RBM19: variants seen among roughly 807,000 people sequenced by gnomAD.
RBM19 encodes the protein probable RNA-binding protein 19.
Under a neutral mutation model 116.8 loss-of-function variants are expected in RBM19, and 94 were observed. The observed-to-expected ratio is 0.80, with a 90% CI of 0.68 to 0.95. The LOEUF (loss-of-function observed/expected upper bound fraction) is 0.95, where lower values mean the gene tolerates loss of function less well. RBM19 is among the 40% of genes least tolerant of loss of function. The probability of loss-of-function intolerance (pLI) is 0.00; values close to 1 mark genes in which losing one functional copy is unlikely to be tolerated. For synonymous variants in RBM19, 475 were observed against 494.1 expected, an observed-to-expected ratio of 0.96 and a Z score of 0.51; for missense variants, 1,161 against 1,220.7, an observed-to-expected ratio of 0.95 and a Z score of 0.73.
rs147632728 is a variant in RBM19, at chr12:113,966,052, C to T, written c.36+140G>A. 5.2e-3 allele frequency: 4,742 copies of T among 919,752 alleles called. 21 individuals carry two copies. The highest frequency in any genetic ancestry group is 0.014 in the Middle Eastern group (63 of 4,644). The allele number at this position is 919,752 out of a possible 1,614,324, so 57.0% of individuals were successfully genotyped here. Reference sequence around the variant, plus strand: ...ATCAAATGGGGATAAGCCCAGGATCCCGCCCCCTTTGAGTTCAGAATTGGC... The same window carrying T: ...ATCAAATGGGGATAAGCCCAGGATCTCGCCCCCTTTGAGTTCAGAATTGGC... On this transcript the variant is annotated intron_variant, in intron 1 of 23. Transcript: ENST00000261741.
intron 21 of RBM19, among the ~76,000 whole-genome samples, chr12:113,859,284 GT>G (rs920366456): frequency 1.3e-5 from 2 of 152,246 alleles, no homozygotes; most frequent in African/African-American, 4.8e-5. Flanking sequence ...CTGCCCATGT[GT>G]GCTAGTAGGG....
rs780878098 is a variant in RBM19, at chr12:113,958,041, C to A, written c.581G>T (p.Ser194Ile). The A allele has an allele frequency of 6.2e-7, 1 of 1,608,168 alleles. No homozygotes were observed. The highest frequency in any genetic ancestry group is 2.2e-5 in the East Asian group (1 of 44,834). Reference protein sequence around the residue: ...GAGEDLEEEASLEPKAAVQKE... With the variant: ...GAGEDLEEEAILEPKAAVQKE... The stretch of plus-strand genomic sequence containing the variant: ...CTGCACAGCTGCCTTTGGTTCGAGG[C>A]TTGCCTCTTCTGGAAAAACAGGGAA... The change falls in exon 6 of 24, where the codon AGC (serine) becomes ATC (isoleucine). Residue 194 changes from serine (S) to isoleucine (I), a missense_variant. Coordinates refer to ENST00000261741, the MANE Select transcript of RBM19 (RefSeq NM_016196.4).
chr12:113,964,371 T>C (rs1872715070), intron 1 of RBM19, among the ~76,000 whole-genome samples: 1 of 152,236 alleles, frequency 6.6e-6, no homozygotes, highest in Non-Finnish European at 1.5e-5. Flanking sequence ...GAACAGTGCC[T>C]GGCACACAGT....
chr12:113,900,577 G>C (rs918693863), intron 21 of RBM19, among the ~76,000 whole-genome samples: 25 of 152,184 alleles, frequency 1.6e-4, no homozygotes, highest in African/African-American at 5.5e-4. Context: ...CGGAGGTCAA[G>C]CAGCAGGGCC....
chr12:113,856,410 C>T lies in RBM19; in HGVS notation c.2664+2381G>A, dbSNP rs530934818. ...AAGCTGAAGAGCAAAACTTAGCCAA[C>T]GGTGACATGTCAAAGGGCTCATGGC... On this transcript the variant is annotated intron_variant, in intron 22 of 23. Transcript: ENST00000261741. Among the ~76,000 whole-genome samples the T allele has an allele frequency of 3.9e-5, 6 of 152,346 alleles. No homozygotes were observed. In the South Asian group the frequency reaches 6.2e-4, roughly 16 times the overall value.
At chr12:113,919,715 C>T (rs1882995826) in intron 19 of RBM19, among the ~76,000 whole-genome samples, 1 of 152,162 alleles carries the variant, frequency 6.6e-6, no homozygotes, top group Non-Finnish European at 1.5e-5. Context: ...AGCAGGAAGG[C>T]ATATCTCCCT....
intron 14 of RBM19, 47 bp from the exon 15 acceptor site, chr12:113,940,207 G>C: frequency 2.9e-5 from 45 of 1,561,602 alleles, no homozygotes; most frequent in Non-Finnish European, 3.7e-5. Flanking sequence ...AGGGAGGAGG[G>C]TCCCCAGCTG....
Position 113,924,772 on chromosome 12 carries a change from A to G in RBM19, c.2245-15T>C. The G allele has an allele frequency of 6.5e-7, 1 of 1,531,716 alleles. No homozygotes were observed. The allele number at this position is 1,531,716 out of a possible 1,614,324, so 94.9% of individuals were successfully genotyped here. ...TTTGAAAACACCTGGATAAGAAAGT[A>G]ACAAGTATCATCAGCAGCTCTAAAC... On this transcript the variant is annotated splice_polypyrimidine_tract_variant and intron_variant, in intron 17 of 23. Coordinates refer to ENST00000261741, the MANE Select transcript of RBM19 (RefSeq NM_016196.4).
chr12:113,891,649 TA>T (rs1043002661), intron 21 of RBM19, among the ~76,000 whole-genome samples: 13 of 152,188 alleles, frequency 8.5e-5, no homozygotes, highest in Middle Eastern at 3.4e-3. Flanking sequence ...TAGAGGCCCT[TA>T]AAAAAAATTC....
chr12:113,836,270 G>C (rs956825222), intron 23 of RBM19, among the ~76,000 whole-genome samples: 1 of 152,136 alleles, frequency 6.6e-6, no homozygotes, highest in African/African-American at 2.4e-5. Flanking sequence ...AGGGGAGATG[G>C]GGAGGGCAGT....
intron 21 of RBM19, among the ~76,000 whole-genome samples, chr12:113,887,010 G>A (rs1408046062): frequency 2.0e-5 from 3 of 152,190 alleles, no homozygotes; most frequent in African/African-American, 7.2e-5. Flanking sequence ...TACAGCCATC[G>A]AAGCAAGGGT....
chr12:113,879,500 C>T (rs1360045000), intron 21 of RBM19, among the ~76,000 whole-genome samples: 2 of 147,514 alleles, frequency 1.4e-5, no homozygotes, highest in African/African-American at 4.9e-5. Flanking sequence ...ACACTTCAAA[C>T]ACTAGCCCCT....
In RBM19 at chr12:113,959,551, C is replaced by T. The variant is rs573451220; in HGVS notation, c.379-147G>A. On this transcript the variant is annotated intron_variant, in intron 4 of 23. Transcript: ENST00000261741. ...ATTTCCCCCATTCTCTGGAGGACCCCGAGGTTCAGCTGGGTCAGTTCTGAG... is the reference window on the plus strand; with the variant it reads ...ATTTCCCCCATTCTCTGGAGGACCCTGAGGTTCAGCTGGGTCAGTTCTGAG... 169 of 968,164 alleles carry T rather than the reference C, an allele frequency of 1.7e-4. No individual in the cohort carries two copies. The South Asian group carries it at 2.2e-3, about 12-fold the overall frequency. 60.0% of individuals were successfully genotyped at this position (968,164 alleles called of 1,614,324 possible).
chr12:113,872,254 G>A (rs1593513399), intron 21 of RBM19, among the ~76,000 whole-genome samples: 2 of 144,520 alleles, frequency 1.4e-5, no homozygotes, highest in African/African-American at 2.5e-5. Flanking sequence ...CTGCCTGGCC[G>A]CCCCGTCTGA....
intron 20 of RBM19, among the ~76,000 whole-genome samples, chr12:113,918,131 AAAAAAAAAAAG>A (rs1882886439): frequency 7.7e-6 from 1 of 129,250 alleles, no homozygotes; most frequent in Non-Finnish European, 1.8e-5. Flanking sequence ...TTTTCTTATT[AAAAAAAAAAAG>A]AAAAAAAAAA....
At chr12:113,959,699 C>T (rs1340069614) in intron 4 of RBM19, among the ~76,000 whole-genome samples, 166 bp downstream of exon 4, 1 of 152,028 alleles carries the variant, frequency 6.6e-6, no homozygotes, top group Non-Finnish European at 1.5e-5. Context: ...TCTTCCCTCT[C>T]CCAGTGTCCA....
chr12:113,952,511 C>T lies in RBM19; in HGVS notation c.1000+1G>A, dbSNP rs1871554886. On this transcript the variant is annotated splice_donor_variant, in intron 8 of 23. Transcript: ENST00000261741. LOFTEE classifies it high-confidence loss of function. ...CCACCTGGAAACATCCTGGATCTTA[C>T]CTGTTTTATTCCCATGAGCGTTTCT... is the stretch of plus-strand genomic sequence containing the variant. 6.2e-7 allele frequency: 1 copy of T among 1,611,984 alleles called. No individual in the cohort carries two copies. Among genetic ancestry groups the T allele is most frequent in the Non-Finnish European group, 8.5e-7 (1 of 1,178,298 alleles).
At chr12:113,864,800 C>A (rs1878683635) in intron 21 of RBM19, among the ~76,000 whole-genome samples, 1 of 152,214 alleles carries the variant, frequency 6.6e-6, no homozygotes, top group South Asian at 2.1e-4. Context: ...CCTGTCTCAT[C>A]CAACTCTCTA....
downstream of RBM19, among the ~76,000 whole-genome samples, chr12:113,818,478 C>T (rs925211810): frequency 2.6e-5 from 4 of 152,230 alleles, no homozygotes; most frequent in Admixed American, 6.5e-5. Flanking sequence ...GTCCCTATCC[C>T]GCCCCAGCCT....
Sources: gnomAD v4.1 joint callset for allele counts (sites outside exome capture counted in the v4.1 genomes callset) on GRCh38, gnomAD v4.1.1 for gene constraint, MANE v1.5 for transcripts, NCBI Gene and HGNC (gene_info 2026-07-23, HGNC 2026-07-21) for gene names.